Variants in EPHA7 observed in about 807,000 individuals in gnomAD.
EPHA7 encodes EPH receptor A7.
In EPHA7, 25 loss-of-function variants were observed where a neutral mutation model predicts 112.6. The ratio of observed to expected loss-of-function variants is 0.22; its 90% confidence interval spans 0.16 to 0.31. The LOEUF is 0.31. EPHA7 is among the 10% of genes least tolerant of loss of function. The probability of loss-of-function intolerance (pLI) is 1.00; values close to 1 mark genes in which losing one functional copy is unlikely to be tolerated. For synonymous variants in EPHA7, 437 were observed against 406.5 expected, an observed-to-expected ratio of 1.07 and a Z score of -0.90; for missense variants, 962 against 1,212.6, an observed-to-expected ratio of 0.79 and a Z score of 3.07.
chr6:93,309,017 C>T (rs887773164), intron 5 of EPHA7, among the ~76,000 whole-genome samples: 4 of 151,744 alleles, frequency 2.6e-5, no homozygotes, highest in African/African-American at 9.7e-5. Context: ...GGCATGATCT[C>T]CGCTCACTGC....
intron 5 of EPHA7, among the ~76,000 whole-genome samples, chr6:93,346,181 C>G (rs1420544817): frequency 6.6e-6 from 1 of 151,710 alleles, no homozygotes; most frequent in Non-Finnish European, 1.5e-5. Flanking sequence ...GTTTTTACTA[C>G]TGTCGTCATC....
chr6:93,415,869 A>T (rs1779196584), intron 1 of EPHA7, among the ~76,000 whole-genome samples: 1 of 152,184 alleles, frequency 6.6e-6, no homozygotes, highest in Non-Finnish European at 1.5e-5. Flanking sequence ...CTAGGGATAA[A>T]ATATGTATTT....
In EPHA7 at chr6:93,315,162, G is replaced by A. The variant is rs184600022; in HGVS notation, c.1324+41555C>T. 2.4e-4 allele frequency among the ~76,000 whole-genome samples: 37 copies of A among 151,930 alleles called. 1 individual carries two copies. The highest frequency in any genetic ancestry group is 1.0e-3 in the Admixed American group (16 of 15,262). On this transcript the variant is annotated intron_variant, in intron 5 of 16. Transcript: ENST00000369303. Reference sequence around the variant, plus strand: ...CAGGCGTGAGCCACCGCGCCTGGCCGACAATATAATTTTCTTAAATAAAAT... The same window carrying A: ...CAGGCGTGAGCCACCGCGCCTGGCCAACAATATAATTTTCTTAAATAAAAT...
intron 3 of EPHA7, among the ~76,000 whole-genome samples, chr6:93,359,872 G>GAT (rs1562123605): frequency 1.1e-3 from 141 of 127,006 alleles, no homozygotes; most frequent in South Asian, 2.8e-3. Context: ...GAGAGAGAGA[G>GAT]AGAGATAGAT....
chr6:93,245,778 C>T (rs1769917648), intron 15 of EPHA7, among the ~76,000 whole-genome samples: 1 of 152,166 alleles, frequency 6.6e-6, no homozygotes, highest in Non-Finnish European at 1.5e-5. Flanking sequence ...AAATGATGCA[C>T]ATATGGCTGT....
At chr6:93,336,194 CTT>C (rs1420474828) in intron 5 of EPHA7, among the ~76,000 whole-genome samples, 1 of 152,162 alleles carries the variant, frequency 6.6e-6, no homozygotes, top group Non-Finnish European at 1.5e-5. Flanking sequence ...CATCACATAA[CTT>C]ATATTTTAAG....
chr6:93,276,657 A>G (rs1771486209), intron 5 of EPHA7, among the ~76,000 whole-genome samples: 1 of 152,126 alleles, frequency 6.6e-6, no homozygotes, highest in African/African-American at 2.4e-5. Context: ...AGACCTACTG[A>G]AATTTTTATG....
chr6:93,257,607 G>C, intron 11 of EPHA7, 84 bp from the exon 12 acceptor site: 1 of 851,186 alleles, frequency 1.2e-6, no homozygotes, highest in East Asian at 2.5e-5. Flanking sequence ...AAAACACATG[G>C]TGTTCTTTTG....
chr6:93,336,632 AC>A (rs1343834394), intron 5 of EPHA7, among the ~76,000 whole-genome samples: 2 of 151,928 alleles, frequency 1.3e-5, no homozygotes, highest in African/African-American at 4.8e-5. Context: ...TGATCTCCTG[AC>A]CTTGTGATCT....
intron 3 of EPHA7, among the ~76,000 whole-genome samples, chr6:93,370,707 T>TA (rs1366034902): frequency 6.6e-6 from 1 of 152,172 alleles, no homozygotes; most frequent in Admixed American, 6.5e-5. Context: ...TAAGACATAC[T>TA]AATTCATTTG....
At chr6:93,279,559 C>T (rs1214499919) in intron 5 of EPHA7, among the ~76,000 whole-genome samples, 2 of 152,046 alleles carry the variant, frequency 1.3e-5, no homozygotes, top group African/African-American at 4.8e-5. Context: ...CAAAATGTGG[C>T]AATTGTTAAA....
intron 3 of EPHA7, among the ~76,000 whole-genome samples, chr6:93,377,153 T>C (rs935398572): frequency 1.6e-4 from 25 of 152,282 alleles, no homozygotes; most frequent in African/African-American, 5.8e-4. Context: ...TCCATGATCA[T>C]AACTGGGTGT....
chr6:93,346,319 A>G (rs1775404926), intron 5 of EPHA7, among the ~76,000 whole-genome samples: 1 of 151,674 alleles, frequency 6.6e-6, no homozygotes, highest in African/African-American at 2.4e-5. Flanking sequence ...ATTTTTCTGA[A>G]ACTGCGTCTG....
intron 5 of EPHA7, among the ~76,000 whole-genome samples, chr6:93,322,654 G>A (rs1209682357): frequency 6.6e-6 from 1 of 151,574 alleles, no homozygotes; most frequent in African/African-American, 2.4e-5. Flanking sequence ...GAATTAGAGA[G>A]GCATACTAGT....
chr6:93,388,099 C>T (rs1057467459), intron 3 of EPHA7, among the ~76,000 whole-genome samples: 1 of 152,052 alleles, frequency 6.6e-6, no homozygotes, highest in Non-Finnish European at 1.5e-5. Flanking sequence ...CCCACATGAA[C>T]ATTATCTTGT....
Position 93,357,070 on chromosome 6 carries a change from A to G in EPHA7, c.989-18T>C. On this transcript the variant is annotated intron_variant, in intron 4 of 16. Coordinates refer to ENST00000369303, the MANE Select transcript of EPHA7 (RefSeq NM_004440.4). ...TGGAGGCCCTTGGGAAACCAAGAAT[A>G]AATAAGTAAATAAGCAAAAATAGAA... The G allele has an allele frequency of 6.5e-7, 1 of 1,538,588 alleles. No homozygotes were observed. Among genetic ancestry groups the G allele is most frequent in the South Asian group, 1.2e-5 (1 of 84,096 alleles).
Position 93,240,465 on chromosome 6 carries a change from T to G in EPHA7, c.*2961A>C, listed in dbSNP as rs187646556. On this transcript the variant is annotated 3_prime_UTR_variant, in exon 17 of 17. Coordinates refer to ENST00000369303, the MANE Select transcript of EPHA7 (RefSeq NM_004440.4). ...CTAGCTAATGTAGATTACATAAGTA[T>G]ACAATATGATTCAACTAATAGTGCT... The G allele has an allele frequency of 2.7e-5, 6 of 218,578 alleles. No homozygotes were observed. The highest frequency in any genetic ancestry group is 1.1e-4 in the African/African-American group (5 of 44,676). 13.5% of individuals were successfully genotyped at this position (218,578 alleles called of 1,614,324 possible). A position where few individuals can be genotyped will look rare whatever the true frequency, so the allele number is the denominator to read the frequency against.
rs149028952 is a variant in EPHA7 at position 93,415,236 on chromosome 6, T to TA, written c.98-470dup. Among the ~76,000 whole-genome samples the TA allele has an allele frequency of 5.2e-3, 787 of 152,088 alleles. 4 individuals carry two copies. The highest frequency in any genetic ancestry group is 0.018 in the African/African-American group (744 of 41,536). On this transcript the variant is annotated intron_variant, in intron 1 of 16. Transcript: ENST00000369303. ...CTTTTGAGAATTGGAGTTTATCTTTTAAAAAATCTTTCCACATACAGTGTC... is the reference window on the plus strand; with the variant it reads ...CTTTTGAGAATTGGAGTTTATCTTTTAAAAAAATCTTTCCACATACAGTGTC...
At chr6:93,381,704 G>A (rs991091424) in intron 3 of EPHA7, among the ~76,000 whole-genome samples, 4 of 148,640 alleles carry the variant, frequency 2.7e-5, no homozygotes, top group Non-Finnish European at 4.4e-5. Flanking sequence ...CTGGAATTCT[G>A]TGACAAAGAT....
Sources: gnomAD v4.1 joint callset for allele counts (sites outside exome capture counted in the v4.1 genomes callset) on GRCh38, gnomAD v4.1.1 for gene constraint, MANE v1.5 for transcripts, NCBI Gene and HGNC (gene_info 2026-07-23, HGNC 2026-07-21) for gene names.